GRK3: variants seen among roughly 807,000 people sequenced by gnomAD.
The protein encoded by GRK3 is adrenergic, beta, receptor kinase 2.
A neutral mutation model predicts 95.7 loss-of-function variants in GRK3; 54 were observed. The ratio of observed to expected loss-of-function variants is 0.56; its 90% CI spans 0.45 to 0.71. GRK3 has a LOEUF of 0.71. Among genes scored for constraint, GRK3 ranks in the 30% least tolerant of loss-of-function variants. The pLI is 0.00. For synonymous variants in GRK3, 281 were observed against 290.8 expected, an observed-to-expected ratio of 0.97 and a Z score of 0.34; for missense variants, 649 against 851.2, an observed-to-expected ratio of 0.76 and a Z score of 2.96.
chr22:25,667,830 A>T, intron 6 of GRK3, 30 bp downstream of exon 6: 2 of 1,308,608 alleles, frequency 1.5e-6, no homozygotes, highest in East Asian at 2.3e-5. Flanking sequence ...TATATACACA[A>T]TTTTTTATCA....
At chr22:25,673,419 A>C (rs1365566276) in intron 7 of GRK3, among the ~76,000 whole-genome samples, 1 of 138,884 alleles carries the variant, frequency 7.2e-6, no homozygotes, top group Non-Finnish European at 1.6e-5. Flanking sequence ...GAAATGATCT[A>C]TTTTTTTTTT....
Position 25,718,371 on chromosome 22 carries a change from G to C in GRK3, c.1781G>C (p.Gly594Ala), listed in dbSNP as rs778150311. ...FPNRLEWRGE[G>A]ESRQNLLTME... ...AATAGACTTGAATGGAGAGGAGAGG[G>C]AGAGTCCCGGGTAAGTCTAAGGCAG... Residue 594 changes from glycine to alanine, a missense_variant, in exon 19 of 21, where the codon GGA (glycine) becomes GCA (alanine). Around this residue, in one of 3 missense-constraint regions of GRK3, gnomAD observed 382 missense variants for 493.8 expected, o/e 0.77. Coordinates refer to ENST00000324198, the MANE Select transcript of GRK3 (RefSeq NM_005160.4). 1 of 1,613,998 alleles carries C rather than the reference G, an allele frequency of 6.2e-7. No homozygotes were observed. The highest frequency in any genetic ancestry group is 8.5e-7 in the Non-Finnish European group (1 of 1,179,998).
chr22:25,647,117 G>A, intron 3 of GRK3: 2 of 367,646 alleles, frequency 5.4e-6, no homozygotes, highest in Middle Eastern at 7.5e-4. Context: ...TCTATTCCCA[G>A]CAAAAATTTC....
chr22:25,610,527 T>C (rs2146346534), intron 2 of GRK3, among the ~76,000 whole-genome samples: 1 of 152,326 alleles, frequency 6.6e-6, no homozygotes, highest in South Asian at 2.1e-4. Context: ...AAATGTATTA[T>C]GTGATGATTT....
intron 9 of GRK3, among the ~76,000 whole-genome samples, chr22:25,680,683 GAATT>G (rs1425887140): frequency 6.6e-6 from 1 of 151,976 alleles, no homozygotes; most frequent in Admixed American, 6.6e-5. Flanking sequence ...TAATTTAAAA[GAATT>G]ATTTGTATTT....
rs527470431 is a variant in GRK3 at position 25,586,862 on chromosome 22, G to C, written c.114-17515G>C. 2.9e-3 allele frequency among the ~76,000 whole-genome samples: 442 copies of C among 152,270 alleles called. 1 individual carries two copies. In the Middle Eastern group the frequency reaches 0.031, roughly 11 times the overall value. ...AATGCTCCCTGCAGTACACTAAGGGGTTTGGACGTTGGGCAAAGCGAGAGG... is the reference window on the plus strand; with the variant it reads ...AATGCTCCCTGCAGTACACTAAGGGCTTTGGACGTTGGGCAAAGCGAGAGG... On this transcript the variant is annotated intron_variant, in intron 1 of 20. Transcript: ENST00000324198.
At chr22:25,616,294 C>A (rs1007274755) in intron 2 of GRK3, among the ~76,000 whole-genome samples, 2 of 152,024 alleles carry the variant, frequency 1.3e-5, no homozygotes, top group African/African-American at 4.8e-5. Context: ...TAAGAGGAAG[C>A]ATGACTGGGA....
chr22:25,631,207 TTTTA>T (rs1353151651), intron 2 of GRK3, among the ~76,000 whole-genome samples: 2 of 152,150 alleles, frequency 1.3e-5, no homozygotes, highest in Non-Finnish European at 2.9e-5. Flanking sequence ...GAATTTGCTT[TTTTA>T]TTTGTCATCT....
At chr22:25,597,941 T>G (rs1272691050) in intron 1 of GRK3, among the ~76,000 whole-genome samples, 1 of 152,156 alleles carries the variant, frequency 6.6e-6, no homozygotes, top group Non-Finnish European at 1.5e-5. Context: ...GAAAATTCAT[T>G]GCTAGTTAAC....
chr22:25,677,377 T>TAAAAAAAAAAAAAAAA (rs376997700), intron 8 of GRK3, among the ~76,000 whole-genome samples: 8 of 42,538 alleles, frequency 1.9e-4, no homozygotes, highest in East Asian at 1.3e-3. Flanking sequence ...CCCCATATCT[T>TAAAAAAAAAAAAAAAA]AAAAAAAAAA....
intron 15 of GRK3, among the ~76,000 whole-genome samples, chr22:25,707,661 C>T (rs1167644643): frequency 6.6e-6 from 1 of 152,164 alleles, no homozygotes; most frequent in Non-Finnish European, 1.5e-5. Flanking sequence ...AATCAGTGCT[C>T]CCGTGATCCA....
rs1031627546 is a variant in GRK3 at position 25,724,127 on chromosome 22, C to G, written c.*1677C>G. 4 of 151,862 alleles carry G rather than the reference C, an allele frequency of 2.6e-5. 1 individual carries two copies. The highest frequency in any genetic ancestry group is 5.9e-5 in the Non-Finnish European group (4 of 68,056). 9.4% of individuals were successfully genotyped at this position (151,862 alleles called of 1,614,324 possible). On this transcript the variant is annotated 3_prime_UTR_variant, in exon 21 of 21. Transcript: ENST00000324198. ...CAAATTCTGTTGAAACACACACACA[C>G]ACACACACACACACACACACACACT...
chr22:25,628,109 T>C (rs2146365158), intron 2 of GRK3, among the ~76,000 whole-genome samples: 1 of 152,342 alleles, frequency 6.6e-6, no homozygotes, highest in Middle Eastern at 3.4e-3. Flanking sequence ...ATTTTCAATG[T>C]TATTCAAAAA....
intron 15 of GRK3, among the ~76,000 whole-genome samples, chr22:25,704,769 G>T (rs968805276): frequency 1.3e-5 from 2 of 152,226 alleles, no homozygotes; most frequent in Non-Finnish European, 2.9e-5. Context: ...CTGATATTTT[G>T]TAGTCCATTT....
chr22:25,661,771 T>A, intron 4 of GRK3, 94 bp downstream of exon 4: 4 of 755,602 alleles, frequency 5.3e-6, no homozygotes, highest in Non-Finnish European at 8.2e-6. Context: ...TAGAAAGGTG[T>A]TTAAAATTGA....
chr22:25,666,254 TATTA>T (rs2084941085), intron 5 of GRK3, among the ~76,000 whole-genome samples: 1 of 152,222 alleles, frequency 6.6e-6, no homozygotes, highest in Non-Finnish European at 1.5e-5. Flanking sequence ...GAAAGAAAAA[TATTA>T]ATTGACATAA....
intron 2 of GRK3, among the ~76,000 whole-genome samples, chr22:25,623,074 T>C (rs961722571): frequency 4.6e-5 from 7 of 152,164 alleles, no homozygotes; most frequent in African/African-American, 1.7e-4. Context: ...CCTGAGTAGC[T>C]GAAAACACAG....
At chr22:25,600,232 C>T (rs1422326089) in intron 1 of GRK3, among the ~76,000 whole-genome samples, 2 of 151,446 alleles carry the variant, frequency 1.3e-5, no homozygotes, top group East Asian at 3.9e-4. Context: ...CTGCAACGTC[C>T]GCCTCCCAGG....
At position 25,718,314 on chromosome 22, in the gene GRK3, A is replaced by G. The variant is rs1193421713; in HGVS notation, c.1724A>G (p.Gln575Arg). The change falls in exon 19 of 21, where the codon CAG becomes CGG. Residue 575 changes from glutamine to arginine, a missense_variant. By Grantham distance (43) the Gln-to-Arg change is conservative. Coordinates refer to ENST00000324198, the MANE Select transcript of GRK3 (RefSeq NM_005160.4). Reference protein sequence around the residue: ...MLKLGNPFLTQWQRRYFYLFP... With the variant: ...MLKLGNPFLTRWQRRYFYLFP... ...AAACTGGGAAACCCATTTCTGACTCAGTGGCAGCGTCGCTATTTTTACCTC... is the reference window on the plus strand; with the variant it reads ...AAACTGGGAAACCCATTTCTGACTCGGTGGCAGCGTCGCTATTTTTACCTC... 6.2e-7 allele frequency: 1 copy of G among 1,614,018 alleles called. No homozygotes were observed.
Sources: allele counts gnomAD v4.1 joint callset (sites outside exome capture counted in the v4.1 genomes callset), GRCh38; gene constraint gnomAD v4.1.1; regional missense constraint gnomAD v4.1.1; transcripts MANE v1.5; gene names NCBI Gene and HGNC (gene_info 2026-07-23, HGNC 2026-07-21).